The following SLC4A4 variants were observed in gnomAD, a reference collection of about 807,000 sequenced individuals.
SLC4A4 encodes the protein solute carrier family 4 member 4.
SLC4A4 carries 27 observed loss-of-function variants against 111.5 expected under a neutral mutation model. The ratio of observed to expected loss-of-function variants is 0.24; its 90% confidence interval spans 0.18 to 0.33. The LOEUF is 0.33. Among genes scored for constraint, SLC4A4 ranks in the 10% least tolerant of loss-of-function variants. SLC4A4 has a pLI of 1.00. For synonymous variants in SLC4A4, 443 were observed against 463.4 expected (o/e 0.96, Z 0.57); for missense variants, 909 against 1,315.5 (o/e 0.69, Z 4.78).
intron 3 of SLC4A4, among the ~76,000 whole-genome samples, chr4:71,304,798 A>G (rs1725553282): frequency 6.6e-6 from 1 of 152,192 alleles, no homozygotes. Flanking sequence ...TTAAAAAGAG[A>G]TAGTAAAAGT....
At chr4:71,178,582 C>T (rs961988190) in intron 2 of SLC4A4, among the ~76,000 whole-genome samples, 11 of 152,130 alleles carry the variant, frequency 7.2e-5, no homozygotes, top group South Asian at 2.1e-4. Flanking sequence ...AACACCTTTA[C>T]GCAAATAAAC....
chr4:71,257,954 T>C (rs903140478), intron 3 of SLC4A4, among the ~76,000 whole-genome samples: 1 of 152,234 alleles, frequency 6.6e-6, no homozygotes, highest in African/African-American at 2.4e-5. Context: ...GGTCACATTT[T>C]TGTCCAGGGA....
At chr4:71,105,885 C>G (rs1187991694) in intron 2 of SLC4A4, among the ~76,000 whole-genome samples, 1 of 145,256 alleles carries the variant, frequency 6.9e-6, no homozygotes, top group Non-Finnish European at 1.5e-5. Context: ...GTCTAAAACA[C>G]CAAAAGCAAT....
intron 2 of SLC4A4, among the ~76,000 whole-genome samples, chr4:71,164,236 C>T (rs1363974260): frequency 6.6e-6 from 1 of 152,110 alleles, no homozygotes; most frequent in Non-Finnish European, 1.5e-5. Context: ...AAAAAATAAG[C>T]TGGGCATGGT....
chr4:71,368,647 G>A (rs139131954), intron 6 of SLC4A4, among the ~76,000 whole-genome samples: 4 of 152,252 alleles, frequency 2.6e-5, no homozygotes, highest in Admixed American at 6.5e-5. Context: ...GTGTAACTTC[G>A]CTCTGTGTGT....
intron 2 of SLC4A4, among the ~76,000 whole-genome samples, chr4:71,107,882 TG>T (rs1315792731): frequency 6.6e-6 from 1 of 152,040 alleles, no homozygotes; most frequent in Non-Finnish European, 1.5e-5. Context: ...TTTTAATTTT[TG>T]TGAAGACAGG....
upstream of SLC4A4, among the ~76,000 whole-genome samples, chr4:71,186,066 A>G (rs1213868646): frequency 3.9e-5 from 6 of 152,218 alleles, no homozygotes; most frequent in African/African-American, 1.2e-4. Flanking sequence ...CAGTCTGTTC[A>G]TATCTTAATG....
At chr4:71,546,778 A>T (rs766398391) in intron 19 of SLC4A4, among the ~76,000 whole-genome samples, 6 of 151,964 alleles carry the variant, frequency 3.9e-5, no homozygotes, top group Non-Finnish European at 8.8e-5. Flanking sequence ...CTACAACCAG[A>T]TTACTTTTTT....
intron 3 of SLC4A4, among the ~76,000 whole-genome samples, chr4:71,275,733 G>A (rs1048425663): frequency 6.6e-6 from 1 of 152,236 alleles, no homozygotes; most frequent in Non-Finnish European, 1.5e-5. Context: ...CGGCCCTCAA[G>A]CAAATGTTTT....
At chr4:71,123,246 T>C (rs1218779807) in intron 2 of SLC4A4, among the ~76,000 whole-genome samples, 1 of 152,150 alleles carries the variant, frequency 6.6e-6, no homozygotes, top group African/African-American at 2.4e-5. Context: ...TATGGCAGAT[T>C]TCTAGATCAA....
chr4:71,432,611 G>A lies in SLC4A4; in HGVS notation c.808-8005G>A, dbSNP rs577461818. On this transcript the variant is annotated intron_variant, in intron 7 of 25. Coordinates refer to ENST00000264485, the MANE Select transcript of SLC4A4 (RefSeq NM_001098484.3). ...AAGTGATTTTGTTTGTAGCATGTAA[G>A]ATATATATACCTTCTCTTTGCTTTT... 3.9e-5 allele frequency among the ~76,000 whole-genome samples: 6 copies of A among 152,126 alleles called. No individual in the cohort carries two copies. The East Asian group carries it at 1.2e-3, about 29-fold the overall frequency.
chr4:71,420,906 A>G (rs1191889632), intron 7 of SLC4A4, among the ~76,000 whole-genome samples: 1 of 150,176 alleles, frequency 6.7e-6, no homozygotes, highest in Non-Finnish European at 1.5e-5. Flanking sequence ...GACCATTGAG[A>G]CTAGGAAGAA....
chr4:71,202,726 G>C (rs895374274), intron 1 of SLC4A4, among the ~76,000 whole-genome samples: 16 of 152,136 alleles, frequency 1.1e-4, no homozygotes, highest in African/African-American at 3.1e-4. Flanking sequence ...TTAAAGAAAT[G>C]AGATTGTTAG....
At chr4:71,546,630 G>A (rs765202313) in intron 19 of SLC4A4, 102 bp downstream of exon 19, 1 of 985,484 alleles carries the variant, frequency 1.0e-6, no homozygotes, top group African/African-American at 1.6e-5. Flanking sequence ...CAGGGCTTGT[G>A]ATGATTAATT....
At chr4:71,372,346 T>C (rs1449818228) in intron 6 of SLC4A4, among the ~76,000 whole-genome samples, 1 of 152,222 alleles carries the variant, frequency 6.6e-6, no homozygotes, top group East Asian at 1.9e-4. Context: ...TGATTTCCTC[T>C]TACAGATCTC....
chr4:71,312,937 A>G (rs1039554254), intron 3 of SLC4A4, among the ~76,000 whole-genome samples: 3 of 142,870 alleles, frequency 2.1e-5, no homozygotes, highest in African/African-American at 8.4e-5. Flanking sequence ...ATCAGGCAAG[A>G]GAAGGAAATA....
chr4:71,355,499 C>G (rs1007562489), intron 5 of SLC4A4, among the ~76,000 whole-genome samples: 7 of 152,190 alleles, frequency 4.6e-5, no homozygotes, highest in African/African-American at 7.2e-5. Flanking sequence ...AAAAACCACT[C>G]TAAACCAAAA....
At chr4:71,215,228 T>A (rs1718354070) in intron 1 of SLC4A4, among the ~76,000 whole-genome samples, 1 of 152,212 alleles carries the variant, frequency 6.6e-6, no homozygotes, top group Non-Finnish European at 1.5e-5. Context: ...ACATCACAGC[T>A]GGGTTTCTTT....
At chr4:71,552,349 GTACACACACACACACATACACACACACA>G (rs1179130546) in intron 20 of SLC4A4, among the ~76,000 whole-genome samples, 1 of 151,216 alleles carries the variant, frequency 6.6e-6, no homozygotes, top group African/African-American at 2.4e-5. Flanking sequence ...ACATTCACAT[GTACACACACACACACATACACACACACA>G]TACACACACA....
Sources: gnomAD v4.1 joint callset for allele counts (sites outside exome capture counted in the v4.1 genomes callset) on GRCh38, gnomAD v4.1.1 for gene constraint, MANE v1.5 for transcripts, NCBI Gene and HGNC (gene_info 2026-07-23, HGNC 2026-07-21) for gene names.